C3: variants seen among roughly 807,000 people sequenced by gnomAD.
C3 encodes complement C3, also known as C3 and PZP-like alpha-2-macroglobulin domain-containing protein 1.
C3 carries 97 observed loss-of-function variants against 207.9 expected under a neutral mutation model. The ratio of observed to expected loss-of-function variants is 0.47; its 90% CI spans 0.40 to 0.55. The LOEUF (loss-of-function observed/expected upper bound fraction) is 0.55, where lower values mean the gene tolerates loss of function less well. C3 is among the 20% of genes least tolerant of loss of function. The pLI, the probability that C3 is intolerant of heterozygous loss-of-function variation, is 0.00. For missense variants in C3, 1,684 were observed against 2,171.7 expected (o/e 0.78, Z 4.46); for synonymous variants, 848 against 857.6 (o/e 0.99, Z 0.20).
At chr19:6,692,188 G>C (rs1007500439) in intron 26 of C3, among the ~76,000 whole-genome samples, 1 of 152,140 alleles carries the variant, frequency 6.6e-6, no homozygotes, top group Non-Finnish European at 1.5e-5. Context: ...CTGCAGCCTC[G>C]ACCTCCTGGG....
In C3 at chr19:6,707,192, C is replaced by T. The variant is rs767408061; in HGVS notation, c.2129G>A (p.Arg710Gln). ...ENPMRFSCQR[R>Q]TRFISLGEAC... is the part of the protein sequence containing the mutation. ...CTCGCCCAGGGAGATGAAACGGGTC[C>T]GGCGCTGGCACGAGAACCTCATGGG... Residue 710 changes from arginine (R) to glutamine (Q), a missense_variant, in exon 17 of 41, where the codon CGG (arginine) becomes CAG (glutamine). Around this residue, in one of 3 missense-constraint regions of C3, gnomAD observed 1,280 missense variants for 1,739.1 expected, o/e 0.74. Coordinates refer to ENST00000245907, the MANE Select transcript of C3 (RefSeq NM_000064.4). The T allele has an allele frequency of 1.2e-6, 2 of 1,613,776 alleles. No homozygotes were observed. Among genetic ancestry groups the T allele is most frequent in the Non-Finnish European group, 1.7e-6 (2 of 1,179,890 alleles).
chr19:6,710,614 G>T lies in C3; in HGVS notation c.1686+25C>A, dbSNP rs1409407371. ...AGAGGAGTAGGGAGAGGGAGAGGGG[G>T]CGAGCGAGCCCAGGGCACACTTACC... On this transcript the variant is annotated intron_variant, in intron 13 of 40. Coordinates refer to ENST00000245907, the MANE Select transcript of C3 (RefSeq NM_000064.4). 3 of 1,578,422 alleles carry T rather than the reference G, an allele frequency of 1.9e-6. No individual in the cohort carries two copies. The Admixed American group carries it at 5.1e-5, about 27-fold the overall frequency.
At position 6,712,346 on chromosome 19, in the gene C3, C is replaced by T. The variant is rs1306201996; in HGVS notation, c.1180G>A (p.Glu394Lys). ...AYRVPVAVQG[E>K]DTVQSLTQGD... ...TGGGTTAGAGACTGCACAGTGTCCT[C>T]GCCCTGGACTGCCACGGGGACTCGG... Residue 394 changes from glutamate to lysine, a missense_variant, in exon 11 of 41, where the codon GAG (glutamate) becomes AAG (lysine). Around this residue, in one of 3 missense-constraint regions of C3, gnomAD observed 1,280 missense variants for 1,739.1 expected, o/e 0.74. Coordinates refer to ENST00000245907, the MANE Select transcript of C3 (RefSeq NM_000064.4). 6.8e-6 allele frequency: 11 copies of T among 1,614,126 alleles called. 1 individual carries two copies. The highest frequency in any genetic ancestry group is 3.3e-5 in the South Asian group (3 of 91,082).
rs775722285 is a variant in C3 at position 6,684,347 on chromosome 19, G to C, written c.4172+41C>G. ...TTTGCAAGAATTCTTGCTAGAGATAGAGGGATGGCCAAGATGAACCCCGGT... is the reference window on the plus strand; with the variant it reads ...TTTGCAAGAATTCTTGCTAGAGATACAGGGATGGCCAAGATGAACCCCGGT... On this transcript the variant is annotated intron_variant, in intron 33 of 40. Coordinates refer to ENST00000245907, the MANE Select transcript of C3 (RefSeq NM_000064.4). The C allele has an allele frequency of 3.6e-5, 54 of 1,497,966 alleles. No individual in the cohort carries two copies. The highest frequency in any genetic ancestry group is 4.7e-5 in the Non-Finnish European group (51 of 1,074,284). 92.8% of individuals were successfully genotyped at this position (1,497,966 alleles called of 1,614,324 possible). A position where few individuals can be genotyped will look rare whatever the true frequency, so the allele number is the denominator to read the frequency against.
chr19:6,714,552 T>C, intron 4 of C3, 106 bp from the exon 5 acceptor site: 1 of 814,470 alleles, frequency 1.2e-6, no homozygotes, highest in African/African-American at 1.7e-5. Context: ...CTGTGCACAG[T>C]GTCTACTGTG....
At chr19:6,686,553 G>A (rs1599501233) in intron 28 of C3, 193 bp downstream of exon 28, 5 of 757,932 alleles carry the variant, frequency 6.6e-6, no homozygotes, top group East Asian at 2.4e-5. Flanking sequence ...GAGGACCTGC[G>A]AAAACTTAGA....
intron 19 of C3, among the ~76,000 whole-genome samples, chr19:6,701,761 G>GTGAT (rs1200214159): frequency 6.6e-6 from 1 of 152,176 alleles, no homozygotes; most frequent in African/African-American, 2.4e-5. Context: ...CTGACCTGAA[G>GTGAT]TGATTCCCCT....
At chr19:6,686,354 G>A (rs990005703) in intron 28 of C3, 67 bp from the exon 29 acceptor site, 2 of 1,567,018 alleles carry the variant, frequency 1.3e-6, no homozygotes, top group Admixed American at 3.3e-5. Flanking sequence ...CTCAGAGAAA[G>A]CTCAGAAAGA....
chr19:6,685,210 G>C, intron 29 of C3, 64 bp from the exon 30 acceptor site: 1 of 1,482,850 alleles, frequency 6.7e-7, no homozygotes, highest in Non-Finnish European at 9.3e-7. Flanking sequence ...GAATCCAGTG[G>C]GGGATAAAGA....
Position 6,719,499 on chromosome 19 carries a change from C to T in C3, c.75-96G>A. 8.8e-7 allele frequency: 1 copy of T among 1,136,994 alleles called. No homozygotes were observed. 70.4% of individuals were successfully genotyped at this position (1,136,994 alleles called of 1,614,324 possible). A position where few individuals can be genotyped will look rare whatever the true frequency, so the allele number is the denominator to read the frequency against. The stretch of plus-strand genomic sequence containing the variant: ...GCGCCTGGCAGGCTGTGTGCCCCAG[C>T]CTCTGGTCCTGGAGAGGATCCAGTG... On this transcript the variant is annotated intron_variant, in intron 1 of 40. Transcript: ENST00000245907. The surrounding 1 kb of genome is among the most constrained non-coding windows in gnomAD (Gnocchi z 5.4).
intron 35 of C3, among the ~76,000 whole-genome samples, chr19:6,680,788 G>C (rs1244661507): frequency 2.0e-5 from 3 of 152,142 alleles, no homozygotes; most frequent in Non-Finnish European, 2.9e-5. Context: ...GTGGGTATCA[G>C]GAGTTAGCAG....
Position 6,693,410 on chromosome 19 carries a change from A to AC in C3, c.3230+1dup. 1 of 1,609,070 alleles carries AC rather than the reference A, an allele frequency of 6.2e-7. No individual in the cohort carries two copies. On this transcript the variant is annotated splice_donor_variant, in intron 25 of 40. Transcript: ENST00000245907. LOFTEE classifies it high-confidence loss of function. The stretch of plus-strand genomic sequence containing the variant: ...TGGCCTGAGCTGGCTGTTGGGACTC[A>AC]CCAGGTGCTGGGTGCCCGTTTCACG...
At chr19:6,712,033 T>C (rs1024459610) in intron 11 of C3, among the ~76,000 whole-genome samples, 5 of 151,748 alleles carry the variant, frequency 3.3e-5, no homozygotes, top group African/African-American at 1.2e-4. Context: ...TCTAGGCAAA[T>C]GAGAATGTCT....
At chr19:6,690,331 C>T (rs1232227745) in intron 27 of C3, among the ~76,000 whole-genome samples, 1 of 152,210 alleles carries the variant, frequency 6.6e-6, no homozygotes, top group East Asian at 1.9e-4. Context: ...AAAGAATCCC[C>T]ACCTTTGATC....
chr19:6,697,711 T>C lies in C3; in HGVS notation c.2524A>G (p.Asn842Asp). Residue 842 changes from asparagine (N) to aspartate (D), a missense_variant, in exon 20 of 41, where the codon AAC (asparagine) becomes GAC (aspartate). This residue lies in a region of C3 where 1,280 missense variants were observed against 1,739.1 expected (regional missense o/e 0.74). Transcript: ENST00000245907. ...ACGGCTCGGATTTCCACCTGCTCGT[T>C]TCGAACAACAGAGTAGGGTAGCCGC... ...DLRLPYSVVR[N>D]EQVEIRAVLY... 3 of 1,614,030 alleles carry C rather than the reference T, an allele frequency of 1.9e-6. No homozygotes were observed. The highest frequency in any genetic ancestry group is 1.7e-6 in the Non-Finnish European group (2 of 1,179,990).
intron 26 of C3, 44 bp downstream of exon 26, chr19:6,692,880 A>G: frequency 1.9e-6 from 3 of 1,605,236 alleles, no homozygotes; most frequent in African/African-American, 2.7e-5. Flanking sequence ...TGCGAGACTC[A>G]GGAGCCCCTC....
At chr19:6,718,479 A>G in intron 2 of C3, 67 bp from the exon 3 acceptor site, 1 of 1,589,496 alleles carries the variant, frequency 6.3e-7, no homozygotes, top group Non-Finnish European at 8.6e-7. Flanking sequence ...CAGCTTCCGG[A>G]TCTTGGGCTG....
At chr19:6,710,455 G>A (rs1227381047) in intron 13 of C3, among the ~76,000 whole-genome samples, 184 bp downstream of exon 13, 7 of 139,874 alleles carry the variant, frequency 5.0e-5, no homozygotes, top group Non-Finnish European at 9.4e-5. Flanking sequence ...GAGAGGGAAA[G>A]AGAGATAAAA....
intron 4 of C3, among the ~76,000 whole-genome samples, chr19:6,715,286 G>A (rs1464744862): frequency 1.3e-5 from 2 of 152,162 alleles, no homozygotes; most frequent in Non-Finnish European, 2.9e-5. Flanking sequence ...ACCAGCCTGG[G>A]AAATGTAGGG....
Sources: allele counts gnomAD v4.1 joint callset (sites outside exome capture counted in the v4.1 genomes callset), GRCh38; gene constraint gnomAD v4.1.1; regional missense constraint gnomAD v4.1.1; non-coding constraint Gnocchi (gnomAD v3.1); transcripts MANE v1.5; gene names NCBI Gene and HGNC (gene_info 2026-07-23, HGNC 2026-07-21).